Variants in SERPINB7 observed in about 807,000 individuals in gnomAD.
The protein encoded by SERPINB7 is serpin B7.
A neutral mutation model predicts 37.4 loss-of-function variants in SERPINB7; 31 were observed. The observed-to-expected ratio is 0.83, with a 90% confidence interval of 0.62 to 1.12. The LOEUF (loss-of-function observed/expected upper bound fraction) is 1.12. Ranked by LOEUF, SERPINB7 falls within the 50% of genes most tolerant of loss-of-function variation. The probability of loss-of-function intolerance (pLI) is 0.00; values close to 1 mark genes in which losing one functional copy is unlikely to be tolerated. For synonymous variants in SERPINB7, 163 were observed against 166.1 expected (o/e 0.98, Z 0.14); for missense variants, 521 against 455.3 (o/e 1.14, Z -1.31).
In SERPINB7 at chr18:63,798,742, C is replaced by G. The variant is rs1236903240; in HGVS notation, c.593C>G (p.Pro198Arg). Residue 198 changes from proline (P) to arginine (R), a missense_variant, in exon 6 of 8, where the codon CCC (proline) becomes CGC (arginine). Physicochemically the swap from Pro to Arg is moderately radical, Grantham distance 103. Transcript: ENST00000398019. ...ACCATAAATTGCCATTTCAAATCTC[C>G]CAAGGTATGTCGTCAATCTCCTATT... ...SETINCHFKS[P>R]KCSGKAVAMM... is the part of the protein sequence containing the mutation. 2 of 1,612,268 alleles carry G rather than the reference C, an allele frequency of 1.2e-6. No individual in the cohort carries two copies. The highest frequency in any genetic ancestry group is 2.7e-5 in the African/African-American group (2 of 74,824).
At chr18:63,798,494 G>A (rs2049511387) in intron 5 of SERPINB7, 110 bp from the exon 6 acceptor site, 1 of 741,600 alleles carries the variant, frequency 1.3e-6, no homozygotes, top group Non-Finnish European at 2.1e-6. Context: ...TATTCTTATT[G>A]GTGTTATTAT....
chr18:63,756,049 T>A lies in SERPINB7; in HGVS notation c.-19+2929T>A, dbSNP rs575238591. On this transcript the variant is annotated intron_variant, in intron 1 of 7. Transcript: ENST00000336429. ...ATATATAAATATATATATACATCACTTACAGCATAATACAATATAATATAA... is the reference window on the plus strand; with the variant it reads ...ATATATAAATATATATATACATCACATACAGCATAATACAATATAATATAA... 1.9e-4 allele frequency among the ~76,000 whole-genome samples: 29 copies of A among 151,456 alleles called. No homozygotes were observed. In the South Asian group the frequency reaches 6.0e-3, roughly 32 times the overall value.
chr18:63,777,082 G>T (rs1322307374), intron 1 of SERPINB7, among the ~76,000 whole-genome samples: 1 of 152,036 alleles, frequency 6.6e-6, no homozygotes, highest in Non-Finnish European at 1.5e-5. Flanking sequence ...GAAACACTAT[G>T]TGAGGTACAA....
At chr18:63,756,959 G>A (rs1370429618) in intron 1 of SERPINB7, among the ~76,000 whole-genome samples, 1 of 151,894 alleles carries the variant, frequency 6.6e-6, no homozygotes, top group African/African-American at 2.4e-5. Flanking sequence ...TATTTCAATC[G>A]CTATCACCAT....
At chr18:63,773,062 C>T (rs1438654523), upstream of SERPINB7, among the ~76,000 whole-genome samples, 2 of 152,056 alleles carry the variant, frequency 1.3e-5, no homozygotes, top group Non-Finnish European at 2.9e-5. Flanking sequence ...CATAGAGTAA[C>T]TGAATTCCTT....
chr18:63,771,123 C>A (rs1209960284), upstream of SERPINB7, among the ~76,000 whole-genome samples: 1 of 151,770 alleles, frequency 6.6e-6, no homozygotes, highest in African/African-American at 2.4e-5. Flanking sequence ...AAGTAAGAGA[C>A]AAAAGGGAAA....
chr18:63,755,714 A>C (rs2049118124), intron 1 of SERPINB7, among the ~76,000 whole-genome samples: 1 of 151,948 alleles, frequency 6.6e-6, no homozygotes, highest in African/African-American at 2.4e-5. Context: ...ACAACATAGC[A>C]AGACCCTGTC....
At chr18:63,799,809 A>G (rs2049527504) in intron 6 of SERPINB7, among the ~76,000 whole-genome samples, 1 of 152,166 alleles carries the variant, frequency 6.6e-6, no homozygotes, top group Admixed American at 6.5e-5. Flanking sequence ...TGGTTCAAGG[A>G]CAGAGAATTA....
upstream of SERPINB7, among the ~76,000 whole-genome samples, chr18:63,774,757 A>G (rs1157785582): frequency 1.3e-5 from 2 of 152,126 alleles, no homozygotes; most frequent in African/African-American, 2.4e-5. Context: ...TTCAGCTCCT[A>G]TCTGAAGCTG....
chr18:63,785,057 A>G (rs2049350569), intron 2 of SERPINB7, among the ~76,000 whole-genome samples: 1 of 152,188 alleles, frequency 6.6e-6, no homozygotes, highest in Non-Finnish European at 1.5e-5. Flanking sequence ...CTCATGTGTG[A>G]CTTTTTATAA....
intron 1 of SERPINB7, among the ~76,000 whole-genome samples, chr18:63,765,251 T>C (rs1438317974): frequency 6.6e-6 from 1 of 152,158 alleles, no homozygotes; most frequent in African/African-American, 2.4e-5. Context: ...GTCCAGATGT[T>C]ATCTTGTTTT....
intron 1 of SERPINB7, among the ~76,000 whole-genome samples, chr18:63,763,105 GA>G (rs2049163160): frequency 6.6e-6 from 1 of 152,168 alleles, no homozygotes; most frequent in Non-Finnish European, 1.5e-5. Context: ...CAAGGTAGAT[GA>G]AAATCTTGCT....
rs2049581037 is a variant in SERPINB7 at position 63,804,279 on chromosome 18, A to C, written c.787A>C (p.Asn263His). ...LTFQNLMEWT[N>H]PRRMTSKYVE... ...CTTTCAGAATCTAATGGAATGGACC[A>C]ATCCAAGGCGAATGACCTCTAAGTA... Residue 263 changes from asparagine to histidine, a missense_variant, in exon 8 of 8, where the codon AAT (asparagine) becomes CAT (histidine). Transcript: ENST00000398019. 11 of 1,598,140 alleles carry C rather than the reference A, an allele frequency of 6.9e-6. No homozygotes were observed. The Middle Eastern group carries it at 5.0e-4, about 73-fold the overall frequency.
intron 1 of SERPINB7, among the ~76,000 whole-genome samples, chr18:63,761,723 GC>G (rs2049155152): frequency 6.6e-6 from 1 of 152,248 alleles, no homozygotes; most frequent in Admixed American, 6.5e-5. Context: ...AGGGGTTTCC[GC>G]TTTTGCTTCT....
intron 1 of SERPINB7, among the ~76,000 whole-genome samples, chr18:63,758,453 T>A (rs1194864439): frequency 6.6e-6 from 1 of 152,218 alleles, no homozygotes; most frequent in Non-Finnish European, 1.5e-5. Flanking sequence ...TTCTTAAAGA[T>A]GCTCTCTGAT....
chr18:63,791,812 G>A (rs751563721), intron 2 of SERPINB7, among the ~76,000 whole-genome samples: 22 of 151,986 alleles, frequency 1.4e-4, no homozygotes, highest in East Asian at 7.8e-4. Context: ...GGTTTTCACC[G>A]TGTTAGCCAG....
At chr18:63,783,190 G>GAA (rs1815764877) in intron 2 of SERPINB7, among the ~76,000 whole-genome samples, 7 of 61,408 alleles carry the variant, frequency 1.1e-4, no homozygotes, top group Admixed American at 3.0e-4. Context: ...GAAAGAAAGA[G>GAA]AGAGAGAGAG....
intron 1 of SERPINB7, among the ~76,000 whole-genome samples, chr18:63,781,452 CA>C (rs1284990068): frequency 6.6e-6 from 1 of 152,242 alleles, no homozygotes; most frequent in Non-Finnish European, 1.5e-5. Flanking sequence ...CCTGCCACAC[CA>C]TCAGATGTAA....
intron 7 of SERPINB7, among the ~76,000 whole-genome samples, chr18:63,801,709 T>C (rs1238408505): frequency 6.6e-6 from 1 of 152,108 alleles, no homozygotes; most frequent in Non-Finnish European, 1.5e-5. Context: ...ACCTCTGGAC[T>C]CTGTGGGGGC....
Sources: allele counts gnomAD v4.1 joint callset (sites outside exome capture counted in the v4.1 genomes callset), GRCh38; gene constraint gnomAD v4.1.1; transcripts MANE v1.5; gene names NCBI Gene and HGNC (gene_info 2026-07-23, HGNC 2026-07-21).